Variants in CDH13 observed in about 807,000 individuals in gnomAD.
CDH13 encodes cadherin-13.
A neutral mutation model predicts 63.8 loss-of-function variants in CDH13; 24 were observed. The ratio of observed to expected loss-of-function variants is 0.38; its 90% CI spans 0.27 to 0.53. The LOEUF is 0.53. Ranked by LOEUF, CDH13 falls within the 20% of genes least tolerant of loss-of-function variation. The pLI is 0.85. For missense variants in CDH13, 1,049 were observed against 903.1 expected, an observed-to-expected ratio of 1.16 and a Z score of -2.07; for synonymous variants, 503 against 355.3, an observed-to-expected ratio of 1.42 and a Z score of -4.67.
intron 8 of CDH13, among the ~76,000 whole-genome samples, chr16:83,649,347 C>G (rs1289079341): frequency 6.6e-6 from 1 of 152,158 alleles, no homozygotes; most frequent in Non-Finnish European, 1.5e-5. Flanking sequence ...TTTTGTGCTC[C>G]CTACCTTCAT....
chr16:83,089,946 G>C (rs1597315329), intron 3 of CDH13, among the ~76,000 whole-genome samples: 1 of 152,130 alleles, frequency 6.6e-6, no homozygotes, highest in Non-Finnish European at 1.5e-5. Flanking sequence ...ACCATACTTT[G>C]CATAGCAAGA....
intron 3 of CDH13, among the ~76,000 whole-genome samples, chr16:83,116,270 G>A (rs917472118): frequency 5.9e-5 from 9 of 152,198 alleles, no homozygotes; most frequent in African/African-American, 1.2e-4. Flanking sequence ...CCACGCAACC[G>A]GGGAGGTGTT....
intron 5 of CDH13, among the ~76,000 whole-genome samples, chr16:83,224,331 T>TTTCGTA: frequency 6.6e-6 from 1 of 152,364 alleles, no homozygotes; most frequent in Admixed American, 6.5e-5. Flanking sequence ...CAAGTATCTT[T>TTTCGTA]TTCGTATAAT....
chr16:83,239,820 G>T (rs1281277366), intron 5 of CDH13, among the ~76,000 whole-genome samples: 1 of 152,174 alleles, frequency 6.6e-6, no homozygotes, highest in African/African-American at 2.4e-5. Context: ...GATGAGAAAT[G>T]CCCCTGAGTA....
chr16:82,842,915 T>C (rs1354429393), intron 1 of CDH13, among the ~76,000 whole-genome samples: 4 of 152,132 alleles, frequency 2.6e-5, no homozygotes. Context: ...CCTATAAGAC[T>C]CTAATGTTAT....
chr16:82,651,190 A>G (rs1910680199), intron 1 of CDH13, among the ~76,000 whole-genome samples: 1 of 152,248 alleles, frequency 6.6e-6, no homozygotes, highest in African/African-American at 2.4e-5. Context: ...TATTAATTTA[A>G]TGACATTTTA....
intron 5 of CDH13, among the ~76,000 whole-genome samples, chr16:83,301,934 G>A (rs1050191372): frequency 1.3e-5 from 2 of 148,454 alleles, no homozygotes; most frequent in Admixed American, 1.4e-4. Context: ...AAATCACTTT[G>A]AAAGATCAAT....
intron 2 of CDH13, among the ~76,000 whole-genome samples, chr16:82,906,592 C>T (rs540237881): frequency 2.6e-4 from 40 of 152,328 alleles, no homozygotes; most frequent in African/African-American, 8.4e-4. Flanking sequence ...GTCTAGTGCA[C>T]ATTAGGCTCT....
At chr16:82,733,424 G>C (rs771110708) in intron 1 of CDH13, among the ~76,000 whole-genome samples, 1 of 152,070 alleles carries the variant, frequency 6.6e-6, no homozygotes, top group Non-Finnish European at 1.5e-5. Context: ...TTGTTTAAAG[G>C]CATATGACCC....
intron 5 of CDH13, among the ~76,000 whole-genome samples, chr16:83,303,427 A>G (rs1261585028): frequency 6.6e-6 from 1 of 152,170 alleles, no homozygotes; most frequent in Non-Finnish European, 1.5e-5. Flanking sequence ...TTTAGGGGGA[A>G]TGAATAAGCC....
intron 5 of CDH13, among the ~76,000 whole-genome samples, chr16:83,327,283 G>A (rs1300642949): frequency 2.0e-5 from 3 of 152,210 alleles, no homozygotes; most frequent in Non-Finnish European, 4.4e-5. Context: ...TTTTGAGAGT[G>A]ACAATAACTT....
intron 6 of CDH13, among the ~76,000 whole-genome samples, chr16:83,416,165 A>G (rs558557593): frequency 1.4e-4 from 21 of 152,350 alleles, no homozygotes; most frequent in Non-Finnish European, 2.8e-4. Context: ...CAAAAAGAAT[A>G]AAATACACAG....
Position 83,068,830 on chromosome 16 carries a change from C to T in CDH13, c.366+36612C>T, listed in dbSNP as rs146558705. Among the ~76,000 whole-genome samples, 987 of 152,266 alleles carry T rather than the reference C, an allele frequency of 6.5e-3. 10 individuals are homozygous for T. Among genetic ancestry groups the T allele is most frequent in the African/African-American group, 0.021 (872 of 41,574 alleles). On this transcript the variant is annotated intron_variant, in intron 3 of 13. Coordinates refer to ENST00000567109, the MANE Select transcript of CDH13 (RefSeq NM_001257.5). The stretch of plus-strand genomic sequence containing the variant: ...TGCTTGCCAATTTTTCTGCCTTAAC[C>T]GTTCCCTGCCCCCTTGTTGTTCAAT...
chr16:83,247,934 T>C (rs1905127505), intron 5 of CDH13, among the ~76,000 whole-genome samples: 1 of 152,132 alleles, frequency 6.6e-6, no homozygotes, highest in African/African-American at 2.4e-5. Context: ...GTTAGAGCCT[T>C]TTGTTCCGCT....
At chr16:82,934,581 G>A (rs981745482) in intron 2 of CDH13, among the ~76,000 whole-genome samples, 5 of 152,096 alleles carry the variant, frequency 3.3e-5, no homozygotes, top group African/African-American at 1.2e-4. Flanking sequence ...CCAGAACATG[G>A]GTTTTTCTTT....
chr16:83,050,371 C>G (rs926352672), intron 3 of CDH13, among the ~76,000 whole-genome samples: 1 of 152,206 alleles, frequency 6.6e-6, no homozygotes, highest in African/African-American at 2.4e-5. Flanking sequence ...AGTCACCCAA[C>G]TGTCTTCTAC....
chr16:83,739,925 G>C (rs1911904222), intron 10 of CDH13: 1 of 152,228 alleles, frequency 6.6e-6, no homozygotes, highest in African/African-American at 2.4e-5. Context: ...CACATTCTAA[G>C]TTGTAGAGCT....
intron 2 of CDH13, among the ~76,000 whole-genome samples, chr16:82,906,185 T>C (rs138690614): frequency 2.5e-4 from 38 of 152,326 alleles, no homozygotes; most frequent in African/African-American, 8.2e-4. Flanking sequence ...GGAGAAGTTT[T>C]TGCAGTTCTC....
intron 5 of CDH13, among the ~76,000 whole-genome samples, chr16:83,234,707 A>T (rs953814736): frequency 1.3e-5 from 2 of 152,134 alleles, no homozygotes; most frequent in Non-Finnish European, 2.9e-5. Context: ...TTGTAGCCCT[A>T]CCCCCAGCCC....
Sources: allele counts gnomAD v4.1 joint callset (sites outside exome capture counted in the v4.1 genomes callset), GRCh38; gene constraint gnomAD v4.1.1; transcripts MANE v1.5; gene names NCBI Gene and HGNC (gene_info 2026-07-23, HGNC 2026-07-21).